Variants in ST8SIA4 observed in about 807,000 individuals in gnomAD.
ST8SIA4 encodes the protein CMP-N-acetylneuraminate-poly-alpha-2,8-sialyltransferase.
Under a neutral mutation model 33.9 loss-of-function variants are expected in ST8SIA4, and 15 were observed. The ratio of observed to expected loss-of-function variants is 0.44; its 90% confidence interval spans 0.30 to 0.68. The LOEUF (loss-of-function observed/expected upper bound fraction) is 0.68, where lower values mean the gene tolerates loss of function less well. Among genes scored for constraint, ST8SIA4 ranks in the 30% least tolerant of loss-of-function variants. The pLI is 0.10. For missense variants in ST8SIA4, 321 were observed against 428.0 expected (o/e 0.75, Z 2.21); for synonymous variants, 171 against 151.2 (o/e 1.13, Z -0.96).
chr5:100,844,035 G>A (rs1751520890), intron 4 of ST8SIA4, among the ~76,000 whole-genome samples: 1 of 151,834 alleles, frequency 6.6e-6, no homozygotes, highest in Non-Finnish European at 1.5e-5. Context: ...GTACAAAAAT[G>A]GTACCATCTG....
At chr5:100,876,632 C>T (rs912087878) in intron 3 of ST8SIA4, among the ~76,000 whole-genome samples, 1 of 151,884 alleles carries the variant, frequency 6.6e-6, no homozygotes, top group Non-Finnish European at 1.5e-5. Context: ...AAATACTAGG[C>T]ATTTTTAGAG....
rs1182284575 is a variant in ST8SIA4 at position 100,807,618 on chromosome 5, G to A, written c.*4229C>T. The A allele has an allele frequency of 1.3e-5, 2 of 152,240 alleles. No homozygotes were observed. The highest frequency in any genetic ancestry group is 2.4e-5 in the African/African-American group (1 of 41,294). The allele number at this position is 152,240 out of a possible 1,614,324, so 9.4% of individuals were successfully genotyped here. On this transcript the variant is annotated 3_prime_UTR_variant, in exon 5 of 5. Transcript: ENST00000231461. ...TACTAGACCCTTACTGTAACTCTAC[G>A]TATGAACGACATAGAATTCAGTTAT...
Position 100,817,109 on chromosome 5 carries a change from A to ATTTTTTTTTT in ST8SIA4, c.798-4990_798-4981dup, listed in dbSNP as rs57222657. On this transcript the variant is annotated intron_variant, in intron 4 of 4. Transcript: ENST00000231461. ...AGGCGCCCACTACAACACCCAGCTA[A>ATTTTTTTTTT]TTTTTTTTTTTTTTTTTTTTTTTTT... 8.1e-5 allele frequency among the ~76,000 whole-genome samples: 6 copies of ATTTTTTTTTT among 74,362 alleles called. 1 individual carries two copies. Among genetic ancestry groups the ATTTTTTTTTT allele is most frequent in the African/African-American group, 2.3e-4 (4 of 17,066 alleles). 48.8% of individuals were successfully genotyped at this position (74,362 alleles called of 152,430 possible).
chr5:100,863,390 C>A lies in ST8SIA4; in HGVS notation c.504-6994G>T, dbSNP rs1217805042. On this transcript the variant is annotated intron_variant, in intron 3 of 4. Coordinates refer to ENST00000231461, the MANE Select transcript of ST8SIA4 (RefSeq NM_005668.6). The stretch of plus-strand genomic sequence containing the variant: ...TGAGATGCCATTTAAAAGTACAGTA[C>A]TAAAATTCAGAACACATGAATTCAA... Among the ~76,000 whole-genome samples the A allele has an allele frequency of 2.6e-5, 4 of 152,238 alleles. No homozygotes were observed. The East Asian group carries it at 7.7e-4, about 29-fold the overall frequency.
At chr5:100,830,381 T>A (rs1751231933) in intron 4 of ST8SIA4, among the ~76,000 whole-genome samples, 6 of 152,318 alleles carry the variant, frequency 3.9e-5, no homozygotes. Context: ...GGAGACCAAA[T>A]AAAGTAAAAT....
At chr5:100,898,768 G>C (rs1471293316) in intron 1 of ST8SIA4, among the ~76,000 whole-genome samples, 1 of 152,106 alleles carries the variant, frequency 6.6e-6, no homozygotes, top group Non-Finnish European at 1.5e-5. Context: ...CCCCCTACTT[G>C]TCTCTCATTC....
At chr5:100,876,534 T>C (rs1216388280) in intron 3 of ST8SIA4, among the ~76,000 whole-genome samples, 2 of 152,108 alleles carry the variant, frequency 1.3e-5, no homozygotes, top group African/African-American at 2.4e-5. Context: ...ATCTTTAACC[T>C]AGCCAATGAC....
intron 4 of ST8SIA4, among the ~76,000 whole-genome samples, chr5:100,842,697 T>C (rs1751493878): frequency 6.6e-6 from 1 of 151,806 alleles, no homozygotes; most frequent in Non-Finnish European, 1.5e-5. Context: ...CTGAATTCTG[T>C]TGAGAGGAAT....
At chr5:100,865,124 A>G (rs1377967695) in intron 3 of ST8SIA4, among the ~76,000 whole-genome samples, 2 of 152,198 alleles carry the variant, frequency 1.3e-5, no homozygotes, top group African/African-American at 2.4e-5. Context: ...CAGTTTACCC[A>G]GTTTTCTTAC....
rs1750812593 is a variant in ST8SIA4, at chr5:100,811,260, G to T, written c.*587C>A. On this transcript the variant is annotated 3_prime_UTR_variant, in exon 5 of 5. Coordinates refer to ENST00000231461, the MANE Select transcript of ST8SIA4 (RefSeq NM_005668.6). ...TTAAAGTTTATTTCCTCACTCATAT[G>T]CATCTCAGAAAGGATTTCTAAGCAT... The T allele has an allele frequency of 6.6e-6, 1 of 151,790 alleles. No homozygotes were observed. The highest frequency in any genetic ancestry group is 6.6e-5 in the Admixed American group (1 of 15,188). The allele number at this position is 151,790 out of a possible 1,614,324, so 9.4% of individuals were successfully genotyped here.
intron 3 of ST8SIA4, among the ~76,000 whole-genome samples, chr5:100,877,671 T>A (rs948029085): frequency 3.9e-5 from 6 of 152,180 alleles, no homozygotes; most frequent in Non-Finnish European, 8.8e-5. Flanking sequence ...AAAATAGATA[T>A]CATCCTAAGG....
chr5:100,856,535 A>C, intron 3 of ST8SIA4, 139 bp from the exon 4 acceptor site: 1 of 805,664 alleles, frequency 1.2e-6, no homozygotes, highest in Non-Finnish European at 1.9e-6. Context: ...TCTACTTGGT[A>C]AGATTACATT....
intron 2 of ST8SIA4, 80 bp downstream of exon 2, chr5:100,895,574 G>C: frequency 7.5e-7 from 1 of 1,339,006 alleles, no homozygotes; most frequent in South Asian, 1.4e-5. Context: ...CATAAATCCA[G>C]TGTTGAATAC....
intron 1 of ST8SIA4, among the ~76,000 whole-genome samples, chr5:100,899,118 C>G (rs1752841235): frequency 6.6e-6 from 1 of 152,128 alleles, no homozygotes; most frequent in Non-Finnish European, 1.5e-5. Context: ...GTCTCAAAAG[C>G]CCCGTATTCC....
chr5:100,898,901 A>G (rs1226603608), intron 1 of ST8SIA4, among the ~76,000 whole-genome samples: 1 of 152,238 alleles, frequency 6.6e-6, no homozygotes, highest in African/African-American at 2.4e-5. Context: ...AAATCACTCC[A>G]CATAAATCAA....
intron 4 of ST8SIA4, among the ~76,000 whole-genome samples, chr5:100,815,884 A>C (rs1750906005): frequency 6.6e-6 from 1 of 152,192 alleles, no homozygotes; most frequent in South Asian, 2.1e-4. Context: ...TAAAGGTAAA[A>C]GAACATAAAG....
At chr5:100,883,162 G>T (rs543151428) in intron 3 of ST8SIA4, among the ~76,000 whole-genome samples, 1 of 152,198 alleles carries the variant, frequency 6.6e-6, no homozygotes, top group Non-Finnish European at 1.5e-5. Context: ...ATCCTGCAAA[G>T]CCACAGAGGC....
chr5:100,872,392 C>A (rs1208654182), intron 3 of ST8SIA4, among the ~76,000 whole-genome samples: 1 of 151,894 alleles, frequency 6.6e-6, no homozygotes, highest in Admixed American at 6.6e-5. Context: ...TACATTGTAA[C>A]TTTCTATAGT....
chr5:100,831,642 T>C (rs1026847747), intron 4 of ST8SIA4, among the ~76,000 whole-genome samples: 2 of 152,188 alleles, frequency 1.3e-5, no homozygotes, highest in Non-Finnish European at 2.9e-5. Flanking sequence ...GCATATTTTC[T>C]CATCTCCATT....
Sources: gnomAD v4.1 joint callset for allele counts (sites outside exome capture counted in the v4.1 genomes callset) on GRCh38, gnomAD v4.1.1 for gene constraint, MANE v1.5 for transcripts, NCBI Gene and HGNC (gene_info 2026-07-23, HGNC 2026-07-21) for gene names.